DAB1: variants seen among roughly 807,000 people sequenced by gnomAD.
The protein encoded by DAB1 is DAB adaptor protein 1.
Under a neutral mutation model 64.6 loss-of-function variants are expected in DAB1, and 15 were observed. That is an observed-to-expected ratio of 0.23 (90% confidence interval 0.16 to 0.36). The LOEUF (loss-of-function observed/expected upper bound fraction) is 0.36, where lower values mean the gene tolerates loss of function less well. DAB1 is among the 10% of genes least tolerant of loss of function. The probability of loss-of-function intolerance (pLI) is 1.00; values close to 1 mark genes in which losing one functional copy is unlikely to be tolerated. For synonymous variants in DAB1, 235 were observed against 251.9 expected, an observed-to-expected ratio of 0.93 and a Z score of 0.64; for missense variants, 596 against 706.7, an observed-to-expected ratio of 0.84 and a Z score of 1.78.
intron 5 of DAB1, among the ~76,000 whole-genome samples, chr1:58,028,265 A>G (rs774633716): frequency 1.3e-5 from 2 of 152,224 alleles, no homozygotes; most frequent in African/African-American, 2.4e-5. Context: ...AAACATTTTC[A>G]TCAACTGATC....
chr1:58,357,026 CAAAAAAAAA>C (rs3990929), intron 3 of DAB1, among the ~76,000 whole-genome samples: 2 of 86,118 alleles, frequency 2.3e-5, no homozygotes, highest in Admixed American at 1.3e-4. Context: ...ACCCTGTCTC[CAAAAAAAAA>C]AAAAAAAAAA....
At chr1:57,252,028 C>T (rs773167692) in intron 2 of DAB1, among the ~76,000 whole-genome samples, 1 of 152,162 alleles carries the variant, frequency 6.6e-6, no homozygotes, top group African/African-American at 2.4e-5. Flanking sequence ...TCCTTTAAGT[C>T]CTTAAGGATA....
intron 7 of DAB1, among the ~76,000 whole-genome samples, chr1:57,507,072 A>T (rs1311770159): frequency 6.6e-6 from 1 of 152,160 alleles, no homozygotes; most frequent in African/African-American, 2.4e-5. Context: ...AGCTCTAATC[A>T]TGTAGCCCCA....
chr1:58,006,639 A>C (rs750285938), intron 5 of DAB1, among the ~76,000 whole-genome samples: 2 of 152,196 alleles, frequency 1.3e-5, no homozygotes, highest in Non-Finnish European at 2.9e-5. Flanking sequence ...CCAGAAGAGA[A>C]GGAACTGGTG....
intron 4 of DAB1, among the ~76,000 whole-genome samples, chr1:58,169,861 T>C (rs1656066993): frequency 6.6e-6 from 1 of 152,012 alleles, no homozygotes; most frequent in Non-Finnish European, 1.5e-5. Context: ...GGGAAGGGGA[T>C]TTGGCCCGAC....
At chr1:57,354,046 TTTA>T (rs1163446497) in intron 1 of DAB1, among the ~76,000 whole-genome samples, 3 of 152,194 alleles carry the variant, frequency 2.0e-5, no homozygotes, top group African/African-American at 4.8e-5. Context: ...CATGAATTCA[TTTA>T]TTATGAGACC....
intron 3 of DAB1, among the ~76,000 whole-genome samples, chr1:58,421,627 G>C (rs1429022741): frequency 3.9e-5 from 6 of 152,282 alleles, no homozygotes; most frequent in Admixed American, 3.9e-4. Context: ...CATGCTGGGG[G>C]TTTTGCTGGG....
chr1:57,196,554 G>C (rs1209542984), intron 2 of DAB1, among the ~76,000 whole-genome samples: 2 of 152,150 alleles, frequency 1.3e-5, no homozygotes, highest in African/African-American at 4.8e-5. Flanking sequence ...ATAATTCTTG[G>C]TCTTAGCCCA....
At chr1:57,462,355 C>T (rs1029397258) in intron 7 of DAB1, among the ~76,000 whole-genome samples, 9 of 152,196 alleles carry the variant, frequency 5.9e-5, no homozygotes, top group Admixed American at 5.2e-4. Flanking sequence ...CTCTCTAGGC[C>T]TTTGTTTTTT....
chr1:57,117,427 G>A (rs982431312), intron 4 of DAB1, among the ~76,000 whole-genome samples: 1 of 152,176 alleles, frequency 6.6e-6, no homozygotes, highest in African/African-American at 2.4e-5. Flanking sequence ...AAGACAATGA[G>A]GCTCAGGCTG....
intron 3 of DAB1, chr1:58,468,017 G>C (rs338244): frequency 0.82 from 125,190 of 151,956 alleles, 52,495 homozygotes; most frequent in African/African-American, 0.93. Flanking sequence ...CTCTGCCTCC[G>C]GGGTTCAAGT....
intron 3 of DAB1, among the ~76,000 whole-genome samples, chr1:58,437,530 G>A (rs868269040): frequency 8.5e-5 from 13 of 152,078 alleles, no homozygotes; most frequent in African/African-American, 4.8e-5. Flanking sequence ...ACCCGGTTTT[G>A]TTCTTCTCCA....
chr1:57,554,378 C>A (rs1394521493), intron 7 of DAB1, among the ~76,000 whole-genome samples: 1 of 152,224 alleles, frequency 6.6e-6, no homozygotes, highest in Non-Finnish European at 1.5e-5. Flanking sequence ...AAGTAGGCTA[C>A]CTCTTTTGCA....
intron 7 of DAB1, among the ~76,000 whole-genome samples, chr1:57,595,633 C>T (rs76705634): frequency 6.6e-6 from 1 of 151,926 alleles, no homozygotes; most frequent in Non-Finnish European, 1.5e-5. Flanking sequence ...TGTTCCCCCC[C>T]CACCCCCCAA....
rs143884787 is a variant in DAB1 at position 58,043,830 on chromosome 1, C to T, written n.387+106681G>A. On this transcript the variant is annotated intron_variant and non_coding_transcript_variant, in intron 5 of 20. Coordinates refer to the DAB1 transcript ENST00000485760. ...GCAACCTCCACCTCCCAGGTTCAAG[C>T]GATTCTTCTGCCTCAGCCTCCCGAG... Among the ~76,000 whole-genome samples, 708 of 152,204 alleles carry T rather than the reference C, an allele frequency of 4.7e-3. 7 individuals carry two copies. The highest frequency in any genetic ancestry group is 0.016 in the African/African-American group (674 of 41,524).
chr1:57,737,372 G>C (rs1647746384), intron 6 of DAB1, among the ~76,000 whole-genome samples: 1 of 152,182 alleles, frequency 6.6e-6, no homozygotes, highest in African/African-American at 2.4e-5. Context: ...ATGAGTTCTA[G>C]AGCCACTGGG....
At chr1:57,662,048 C>T (rs780366451) in intron 6 of DAB1, among the ~76,000 whole-genome samples, 8 of 152,102 alleles carry the variant, frequency 5.3e-5, no homozygotes, top group African/African-American at 1.2e-4. Flanking sequence ...AGGAACTAAA[C>T]GCCAAGAAGA....
intron 2 of DAB1, among the ~76,000 whole-genome samples, chr1:57,207,663 C>A (rs1298796875): frequency 6.6e-6 from 1 of 150,846 alleles, no homozygotes; most frequent in Admixed American, 6.6e-5. Flanking sequence ...CCGGGATGGT[C>A]TTGATCTCCT....
At chr1:58,388,921 T>C (rs549960032) in intron 3 of DAB1, among the ~76,000 whole-genome samples, 1 of 152,230 alleles carries the variant, frequency 6.6e-6, no homozygotes, top group African/African-American at 2.4e-5. Flanking sequence ...TTAAATAGGA[T>C]CCCAATTGCA....
Sources: allele counts gnomAD v4.1 joint callset (sites outside exome capture counted in the v4.1 genomes callset), GRCh38; gene constraint gnomAD v4.1.1; transcripts MANE v1.5; gene names NCBI Gene and HGNC (gene_info 2026-07-23, HGNC 2026-07-21).